DDX24: variants seen among roughly 807,000 people sequenced by gnomAD.
The protein encoded by DDX24 is ATP-dependent RNA helicase DDX24.
A neutral mutation model predicts 68.9 loss-of-function variants in DDX24; 24 were observed. The ratio of observed to expected loss-of-function variants is 0.35; its 90% confidence interval spans 0.25 to 0.49. The LOEUF (loss-of-function observed/expected upper bound fraction) is 0.49. Among genes scored for constraint, DDX24 ranks in the 20% least tolerant of loss-of-function variants. The pLI is 0.99. For missense variants in DDX24, 989 were observed against 1,039.0 expected, an observed-to-expected ratio of 0.95 and a Z score of 0.66; for synonymous variants, 395 against 385.2, an observed-to-expected ratio of 1.03 and a Z score of -0.30.
chr14:94,076,967 T>A (rs770537317), intron 2 of DDX24, among the ~76,000 whole-genome samples: 17 of 152,236 alleles, frequency 1.1e-4, no homozygotes, highest in Admixed American at 3.9e-4. Flanking sequence ...AAGATGAAGA[T>A]GAACACATTT....
At chr14:94,069,962 C>A (rs1885794840) in intron 2 of DDX24, among the ~76,000 whole-genome samples, 1 of 152,026 alleles carries the variant, frequency 6.6e-6, no homozygotes, top group Admixed American at 6.6e-5. Context: ...ACAAGGATGC[C>A]CACCTACTCT....
chr14:94,062,434 A>C lies in DDX24; in HGVS notation c.906T>G (p.Thr302=), dbSNP rs745678925. The part of the protein sequence containing the change: ...EAESDALPDD[T]VIESEALPSD... ...TGGGCAGTGCTTCACTCTCAATTAC[A>C]GTATCGTCAGGCAATGCATCAGACT... The change falls in exon 3 of 9, where the codon ACT becomes ACG. Residue 302 remains threonine, a synonymous_variant. Transcript: ENST00000621632. 6.2e-7 allele frequency: 1 copy of C among 1,614,010 alleles called. No individual in the cohort carries two copies. Among genetic ancestry groups the C allele is most frequent in the Admixed American group, 1.7e-5 (1 of 60,000 alleles).
Position 94,055,178 on chromosome 14 carries a change from G to T in DDX24, c.1996C>A (p.Arg666Ser). The T allele has an allele frequency of 6.2e-7, 1 of 1,612,442 alleles. No individual in the cohort carries two copies. ...CGGTGGACATAAATCTCCGAGGTAC[G>T]TGGGACCTGCCACAGGAAGAACTGG... ...VQHVIHYQVP[R>S]TSEIYVHRSG... is the part of the protein sequence containing the mutation. The change falls in exon 7 of 9, where the codon CGT (arginine) becomes AGT (serine). Residue 666 changes from arginine to serine, a missense_variant. This residue lies in a region of DDX24 where 691 missense variants were observed against 760.0 expected (regional missense o/e 0.91). Coordinates refer to ENST00000621632, the MANE Select transcript of DDX24 (RefSeq NM_020414.4).
At chr14:94,072,726 G>A (rs191194463) in intron 2 of DDX24, among the ~76,000 whole-genome samples, 8 of 152,284 alleles carry the variant, frequency 5.3e-5, no homozygotes, top group Non-Finnish European at 7.4e-5. Context: ...CTACTTGGGA[G>A]GCTGAGGAAG....
At chr14:94,056,234 A>C (rs1885490012) in intron 6 of DDX24, 1 of 152,268 alleles carries the variant, frequency 6.6e-6, no homozygotes, top group South Asian at 2.1e-4. Flanking sequence ...TGGCAAAGGA[A>C]TCTCAAAAGT....
In DDX24 at chr14:94,051,392, G is replaced by C; in HGVS notation, c.2379C>G (p.Arg793=). The change falls in exon 9 of 9, where the codon CGC becomes CGG. Residue 793 remains arginine (R), a synonymous_variant. Transcript: ENST00000621632. ...TAAACAGTGGCTGGGACAGCAGGTG[G>C]CGCAGCTCCTTCTTCAGAACCTTCA... ...KQMKVLKKEL[R]HLLSQPLFTE... 1.9e-6 allele frequency: 3 copies of C among 1,607,554 alleles called. No individual in the cohort carries two copies. In the South Asian group the frequency reaches 3.3e-5, roughly 18 times the overall value.
rs749864521 is a variant in DDX24, at chr14:94,053,137, A to G, written c.2179-10T>C. ...CTAAACGGATTCGCTCCTGGGGGGAAGTAACAGAAAATATTCATCTGAAAT... is the reference window on the plus strand; with the variant it reads ...CTAAACGGATTCGCTCCTGGGGGGAGGTAACAGAAAATATTCATCTGAAAT... On this transcript the variant is annotated splice_polypyrimidine_tract_variant and intron_variant, in intron 7 of 8. Coordinates refer to ENST00000621632, the MANE Select transcript of DDX24 (RefSeq NM_020414.4). 24 of 1,613,800 alleles carry G rather than the reference A, an allele frequency of 1.5e-5. No individual in the cohort carries two copies. The African/African-American group carries it at 2.5e-4, about 17-fold the overall frequency.
intron 1 of DDX24, among the ~76,000 whole-genome samples, chr14:94,080,914 C>T (rs1012918553): frequency 1.3e-5 from 2 of 152,156 alleles, no homozygotes; most frequent in African/African-American, 4.8e-5. Flanking sequence ...GCCGAGAAGC[C>T]AAGGCCGTCA....
chr14:94,062,777 G>A (rs34390971), intron 2 of DDX24, among the ~76,000 whole-genome samples, 156 bp from the exon 3 acceptor site: 12,058 of 152,250 alleles, frequency 0.079, 512 homozygotes, highest in Middle Eastern at 0.19. Context: ...TCCCCAGAAG[G>A]AACCAGAAGG....
intron 2 of DDX24, among the ~76,000 whole-genome samples, chr14:94,076,776 G>A (rs1037443539): frequency 3.3e-5 from 5 of 150,796 alleles, no homozygotes; most frequent in Non-Finnish European, 5.9e-5. Context: ...AGAACTGAGG[G>A]AGGGAGGGAG....
At chr14:94,068,616 A>C (rs1412072367) in intron 2 of DDX24, among the ~76,000 whole-genome samples, 3 of 152,206 alleles carry the variant, frequency 2.0e-5, no homozygotes, top group Admixed American at 6.5e-5. Flanking sequence ...ATAGGCCATA[A>C]AATGAGCCTC....
At chr14:94,057,799 T>C (rs994428076) in intron 6 of DDX24, 23 bp downstream of exon 6, 1 of 1,611,950 alleles carries the variant, frequency 6.2e-7, no homozygotes, top group Non-Finnish European at 8.5e-7. Context: ...GGCAGATGCC[T>C]ATAAATTTTC....
chr14:94,064,380 C>A (rs1885657071), intron 2 of DDX24, among the ~76,000 whole-genome samples: 1 of 152,172 alleles, frequency 6.6e-6, no homozygotes, highest in Non-Finnish European at 1.5e-5. Flanking sequence ...GTAGTAAGAG[C>A]ATCTTTTTGC....
chr14:94,073,324 A>T (rs112220472), intron 2 of DDX24, among the ~76,000 whole-genome samples: 2,135 of 152,204 alleles, frequency 0.014, 49 homozygotes, highest in African/African-American at 0.045. Context: ...GCCTCAAGTG[A>T]TCCACATGCC....
intron 5 of DDX24, 105 bp downstream of exon 5, chr14:94,059,993 C>G: frequency 7.4e-7 from 1 of 1,354,896 alleles, no homozygotes; most frequent in Non-Finnish European, 1.0e-6. Context: ...TGAGACAAGG[C>G]CCCTATGACA....
In DDX24 at chr14:94,061,078, A is replaced by G. The variant is rs761610312; in HGVS notation, c.1244-12T>C. ...AGCAGTTTTAATTCCTATGGGACAG[A>G]AAACATAAGGGACACTTATTCAATC... On this transcript the variant is annotated splice_polypyrimidine_tract_variant and intron_variant, in intron 3 of 8. Coordinates refer to ENST00000621632, the MANE Select transcript of DDX24 (RefSeq NM_020414.4). 1 of 1,613,418 alleles carries G rather than the reference A, an allele frequency of 6.2e-7. No individual in the cohort carries two copies. The highest frequency in any genetic ancestry group is 8.5e-7 in the Non-Finnish European group (1 of 1,179,660).
At chr14:94,078,862 A>G in intron 2 of DDX24, 163 bp downstream of exon 2, 1 of 712,544 alleles carries the variant, frequency 1.4e-6, no homozygotes, top group South Asian at 1.9e-5. Flanking sequence ...CCATTCAAGA[A>G]GAGCATATTT....
intron 2 of DDX24, among the ~76,000 whole-genome samples, chr14:94,070,413 A>G (rs987349069): frequency 1.3e-5 from 2 of 152,242 alleles, no homozygotes; most frequent in Non-Finnish European, 2.9e-5. Flanking sequence ...GGTAAAATCA[A>G]TATTGTGAAA....
intron 3 of DDX24, 146 bp from the exon 4 acceptor site, chr14:94,061,212 G>C: frequency 1.1e-6 from 1 of 881,510 alleles, no homozygotes; most frequent in Non-Finnish European, 1.8e-6. Context: ...GGCCTGGCCA[G>C]ACTGTTGACG....
Sources: gnomAD v4.1 joint callset for allele counts (sites outside exome capture counted in the v4.1 genomes callset) on GRCh38, gnomAD v4.1.1 for gene constraint, gnomAD v4.1.1 regional missense constraint, MANE v1.5 for transcripts, NCBI Gene and HGNC (gene_info 2026-07-23, HGNC 2026-07-21) for gene names.